Variants in TP53BP2 observed in about 807,000 individuals in gnomAD.
TP53BP2 encodes the protein apoptosis-stimulating of p53 protein 2.
Under a neutral mutation model 126.2 loss-of-function variants are expected in TP53BP2, and 62 were observed. The observed-to-expected ratio is 0.49, with a 90% CI of 0.40 to 0.61. The LOEUF (loss-of-function observed/expected upper bound fraction) is 0.61. Among genes scored for constraint, TP53BP2 ranks in the 20% least tolerant of loss-of-function variants. The pLI is 0.00. For missense variants in TP53BP2, 1,215 were observed against 1,402.8 expected (o/e 0.87, Z 2.14); for synonymous variants, 485 against 502.9 (o/e 0.96, Z 0.48).
chr1:223,793,395 G>A lies in TP53BP2; in HGVS notation c.2770C>T (p.His924Tyr), dbSNP rs138193509. ...LRKTGSERIA[H>Y]GMRVKFNPLA... is the part of the protein sequence containing the mutation. ...GGGTTGAATTTCACCCTCATTCCAT[G>A]AGCGATACGCTCTGAGCCAGTTTTA... The change falls in exon 14 of 18, where the codon CAT (histidine) becomes TAT (tyrosine). Residue 924 changes from histidine to tyrosine, a missense_variant. His to Tyr is a moderately conservative substitution (Grantham distance 83). Coordinates refer to ENST00000343537, the MANE Select transcript of TP53BP2 (RefSeq NM_001031685.3). 347 of 1,608,854 alleles carry A rather than the reference G, an allele frequency of 2.2e-4. No individual in the cohort carries two copies. Among genetic ancestry groups the A allele is most frequent in the Non-Finnish European group, 2.9e-4 (336 of 1,178,022 alleles).
At chr1:223,800,652 TCAGATGACCA>T (rs1558094481) in intron 10 of TP53BP2, 38 bp downstream of exon 10, 1 of 1,423,328 alleles carries the variant, frequency 7.0e-7, no homozygotes, top group African/African-American at 1.5e-5. Flanking sequence ...ACAGCACCTT[TCAGATGACCA>T]AAATTTAATG....
intron 1 of TP53BP2, among the ~76,000 whole-genome samples, chr1:223,834,101 G>A (rs762361543): frequency 6.6e-6 from 1 of 152,172 alleles, no homozygotes; most frequent in African/African-American, 2.4e-5. Context: ...CGCCACATCA[G>A]GAATACAGAC....
chr1:223,832,388 A>T (rs965403700), intron 1 of TP53BP2, among the ~76,000 whole-genome samples: 2 of 152,210 alleles, frequency 1.3e-5, no homozygotes, highest in Non-Finnish European at 2.9e-5. Context: ...ATTAGGGGAA[A>T]ATCTGAATGG....
intron 1 of TP53BP2, among the ~76,000 whole-genome samples, chr1:223,837,112 G>A (rs935532044): frequency 1.6e-5 from 2 of 124,766 alleles, no homozygotes; most frequent in Non-Finnish European, 3.2e-5. Flanking sequence ...GCTACTTTGT[G>A]TCAGGAAAAT....
At chr1:223,814,420 C>T in intron 2 of TP53BP2, 67 bp from the exon 3 acceptor site, 1 of 1,154,636 alleles carries the variant, frequency 8.7e-7, no homozygotes, top group South Asian at 1.3e-5. Context: ...CATTCACCAT[C>T]TATCCTTCAT....
At chr1:223,806,571 C>G (rs181109227) in intron 5 of TP53BP2, among the ~76,000 whole-genome samples, 259 of 152,250 alleles carry the variant, frequency 1.7e-3, no homozygotes, top group African/African-American at 6.0e-3. Flanking sequence ...CGCCTGTAAT[C>G]CCAACACTTT....
intron 4 of TP53BP2, among the ~76,000 whole-genome samples, chr1:223,808,003 C>T (rs1159720549): frequency 6.6e-6 from 1 of 152,112 alleles, no homozygotes; most frequent in Admixed American, 6.5e-5. Flanking sequence ...AGCTGGAAAA[C>T]TTACACTACC....
intron 14 of TP53BP2, among the ~76,000 whole-genome samples, chr1:223,792,743 T>A (rs572315639): frequency 6.6e-6 from 1 of 151,810 alleles, no homozygotes; most frequent in Admixed American, 6.6e-5. Context: ...TATAAAAAGG[T>A]TTTTTTTAAA....
intron 10 of TP53BP2, 54 bp from the exon 11 acceptor site, chr1:223,800,101 A>C: frequency 2.3e-5 from 35 of 1,507,698 alleles, no homozygotes; most frequent in Non-Finnish European, 2.8e-5. Context: ...AAAGTATCTC[A>C]TTCACTCGTA....
rs756718743 is a variant in TP53BP2, at chr1:223,804,305, T to G, written c.518A>C (p.Gln173Pro). 2 of 1,614,004 alleles carry G rather than the reference T, an allele frequency of 1.2e-6. No individual in the cohort carries two copies. Among genetic ancestry groups the G allele is most frequent in the South Asian group, 1.1e-5 (1 of 91,004 alleles). The change falls in exon 6 of 18, where the codon CAG (glutamine) becomes CCG (proline). Residue 173 changes from glutamine (Q) to proline (P), a missense_variant. This residue lies in a region of TP53BP2 where 814 missense variants were observed against 853.0 expected (regional missense o/e 0.95). Transcript: ENST00000343537. Reference protein sequence around the residue: ...KFLKQQDQRQQQQVAEQEKLK... With the variant: ...KFLKQQDQRQPQQVAEQEKLK... ...TTTCTCCTGCTCAGCAACTTGTTGC[T>G]GTTGTCGCTGATCTTGTTGTTTCAA...
chr1:223,816,549 G>A (rs1279275904), intron 2 of TP53BP2, among the ~76,000 whole-genome samples: 2 of 151,990 alleles, frequency 1.3e-5, no homozygotes, highest in Admixed American at 1.3e-4. Flanking sequence ...AAGCCAAATG[G>A]CCAATGAACA....
intron 1 of TP53BP2, among the ~76,000 whole-genome samples, chr1:223,839,056 A>G (rs1487914471): frequency 6.7e-6 from 1 of 150,368 alleles, no homozygotes; most frequent in Non-Finnish European, 1.5e-5. Flanking sequence ...TTAAAACTAC[A>G]GTAAGGTTAT....
intron 11 of TP53BP2, among the ~76,000 whole-genome samples, chr1:223,799,095 A>G (rs1662443082): frequency 6.6e-6 from 1 of 152,122 alleles, no homozygotes; most frequent in African/African-American, 2.4e-5. Context: ...ATATAAGCTC[A>G]TATTTTTTAA....
intron 16 of TP53BP2, among the ~76,000 whole-genome samples, chr1:223,784,782 A>C (rs568690502): frequency 6.6e-6 from 1 of 152,388 alleles, no homozygotes; most frequent in Non-Finnish European, 1.5e-5. Context: ...ATGGAGGCAC[A>C]ATGGTCTCTA....
chr1:223,839,919 GATAGAGCAAGACTCTGTCTAAAA>G (rs1664053175), intron 1 of TP53BP2, among the ~76,000 whole-genome samples: 1 of 151,928 alleles, frequency 6.6e-6, no homozygotes, highest in Non-Finnish European at 1.5e-5. Flanking sequence ...CAGCCTGGGT[GATAGAGCAAGACTCTGTCTAAAA>G]AAAAACAACA....
intron 2 of TP53BP2, among the ~76,000 whole-genome samples, chr1:223,815,725 C>T (rs1213147401): frequency 1.3e-5 from 2 of 152,202 alleles, no homozygotes; most frequent in Non-Finnish European, 1.5e-5. Flanking sequence ...GCCACACCTA[C>T]GGTCATGCAC....
chr1:223,803,739 A>G (rs1228971483), intron 6 of TP53BP2, among the ~76,000 whole-genome samples: 1 of 152,246 alleles, frequency 6.6e-6, no homozygotes, highest in African/African-American at 2.4e-5. Flanking sequence ...CAATTTTATA[A>G]CATTAGGTGG....
intron 16 of TP53BP2, 124 bp downstream of exon 16, chr1:223,788,884 C>G: frequency 1.0e-6 from 1 of 967,324 alleles, no homozygotes; most frequent in Non-Finnish European, 1.5e-6. Flanking sequence ...GTTGTATTTT[C>G]AAGGCCCAAG....
chr1:223,825,031 A>G (rs1478176569), intron 1 of TP53BP2, among the ~76,000 whole-genome samples: 1 of 150,866 alleles, frequency 6.6e-6, no homozygotes, highest in Non-Finnish European at 1.5e-5. Flanking sequence ...CACCAAACAC[A>G]CACACACACA....
Sources: allele counts gnomAD v4.1 joint callset (sites outside exome capture counted in the v4.1 genomes callset), GRCh38; gene constraint gnomAD v4.1.1; regional missense constraint gnomAD v4.1.1; transcripts MANE v1.5; gene names NCBI Gene and HGNC (gene_info 2026-07-23, HGNC 2026-07-21).